The following TNKS variants were observed in gnomAD, a reference collection of about 807,000 sequenced individuals.
TNKS encodes the protein poly [ADP-ribose] polymerase tankyrase-1.
Under a neutral mutation model 135.8 loss-of-function variants are expected in TNKS, and 72 were observed. The observed-to-expected ratio is 0.53, with a 90% CI of 0.44 to 0.64. The LOEUF is 0.64. TNKS is among the 30% of genes least tolerant of loss of function. The pLI is 0.00. For synonymous variants in TNKS, 849 were observed against 649.3 expected, an observed-to-expected ratio of 1.31 and a Z score of -4.68; for missense variants, 1,769 against 1,674.0, an observed-to-expected ratio of 1.06 and a Z score of -0.99.
At chr8:9,613,826 T>G (rs1168792333) in intron 2 of TNKS, among the ~76,000 whole-genome samples, 1 of 152,222 alleles carries the variant, frequency 6.6e-6, no homozygotes, top group East Asian at 1.9e-4. Context: ...TTAGGTGACT[T>G]TGGAGAAACA....
At chr8:9,649,509 G>A (rs537858263) in intron 3 of TNKS, among the ~76,000 whole-genome samples, 7 of 152,186 alleles carry the variant, frequency 4.6e-5, no homozygotes, top group South Asian at 4.1e-4. Flanking sequence ...TGGGGGACAG[G>A]TGGTGGTTGG....
intron 5 of TNKS, among the ~76,000 whole-genome samples, chr8:9,684,065 GA>G (rs1157686936): frequency 1.3e-5 from 2 of 151,658 alleles, no homozygotes; most frequent in African/African-American, 4.8e-5. Context: ...ACCACTTTTA[GA>G]AACATAGGGA....
rs751973152 is a variant in TNKS, at chr8:9,556,046, G to C, written c.107G>C (p.Ser36Thr). Residue 36 changes from serine (S) to threonine (T), a missense_variant, in exon 1 of 27, where the codon AGC (serine) becomes ACC (threonine). Ser to Thr is a moderately conservative substitution (Grantham distance 58, BLOSUM62 1). Transcript: ENST00000310430. ...CCGCCGCCACCTCCTCCCCCACTCA[G>C]CCCTGGCCTGGCCCCGGGGACCACC... ...APPPPPPPPL[S>T]PGLAPGTTPA... 1.1e-5 allele frequency: 17 copies of C among 1,610,524 alleles called. No homozygotes were observed. Among genetic ancestry groups the C allele is most frequent in the Non-Finnish European group, 1.4e-5 (16 of 1,179,118 alleles).
chr8:9,580,485 T>C (rs1798125173), intron 2 of TNKS, 102 bp downstream of exon 2: 4 of 1,012,850 alleles, frequency 3.9e-6, no homozygotes, highest in Non-Finnish European at 5.7e-6. Context: ...GAAGGGTTTA[T>C]TGCTTCTTGT....
chr8:9,626,132 T>A (rs1469641394), intron 3 of TNKS, among the ~76,000 whole-genome samples: 1 of 152,240 alleles, frequency 6.6e-6, no homozygotes, highest in Non-Finnish European at 1.5e-5. Flanking sequence ...TAAATGTGAT[T>A]GACCCTTTCT....
At chr8:9,744,495 T>C (rs1806135341) in intron 17 of TNKS, among the ~76,000 whole-genome samples, 1 of 152,212 alleles carries the variant, frequency 6.6e-6, no homozygotes, top group South Asian at 2.1e-4. Flanking sequence ...CCCACCTTTT[T>C]AAAATTAAAA....
chr8:9,677,317 A>G (rs10101642), intron 3 of TNKS, among the ~76,000 whole-genome samples: 4,921 of 152,292 alleles, frequency 0.032, 201 homozygotes, highest in African/African-American at 0.097. Flanking sequence ...GTTTATTATC[A>G]GCTTATCCGG....
intron 1 of TNKS, among the ~76,000 whole-genome samples, chr8:9,573,651 T>C (rs982457881): frequency 1.3e-5 from 2 of 152,154 alleles, no homozygotes; most frequent in Non-Finnish European, 2.9e-5. Context: ...CTGTTGGGTG[T>C]AATGGGATCT....
chr8:9,645,491 G>A (rs1327951019), intron 3 of TNKS, among the ~76,000 whole-genome samples: 1 of 152,006 alleles, frequency 6.6e-6, no homozygotes, highest in South Asian at 2.1e-4. Context: ...AAAGAGACAC[G>A]AGCCCCATAC....
chr8:9,659,037 A>G (rs1021315510), intron 3 of TNKS, among the ~76,000 whole-genome samples: 3 of 152,260 alleles, frequency 2.0e-5, no homozygotes, highest in South Asian at 4.1e-4. Context: ...AGAACTAACT[A>G]TCATAAATAT....
At chr8:9,649,823 G>A (rs1801070516) in intron 3 of TNKS, among the ~76,000 whole-genome samples, 1 of 148,204 alleles carries the variant, frequency 6.7e-6, no homozygotes, top group Non-Finnish European at 1.5e-5. Flanking sequence ...TTATGGCTGA[G>A]TACTAGTATT....
chr8:9,637,549 GGGACA>G (rs1800558729), intron 3 of TNKS, among the ~76,000 whole-genome samples: 1 of 152,066 alleles, frequency 6.6e-6, no homozygotes, highest in South Asian at 2.1e-4. Context: ...TGCTTATGAT[GGGACA>G]TAAAAATGAC....
intron 17 of TNKS, among the ~76,000 whole-genome samples, chr8:9,746,465 G>T (rs1806241179): frequency 6.6e-6 from 1 of 152,070 alleles, no homozygotes; most frequent in Non-Finnish European, 1.5e-5. Context: ...TTATAGTCCT[G>T]CTCCTTTATA....
chr8:9,690,096 C>A (rs1005647517), intron 5 of TNKS, among the ~76,000 whole-genome samples: 1 of 152,180 alleles, frequency 6.6e-6, no homozygotes, highest in Non-Finnish European at 1.5e-5. Context: ...TTCATAAAAT[C>A]TACCAGCTAT....
chr8:9,767,714 C>A (rs1807543630), intron 25 of TNKS, among the ~76,000 whole-genome samples: 1 of 152,016 alleles, frequency 6.6e-6, no homozygotes, highest in Non-Finnish European at 1.5e-5. Flanking sequence ...AATCCCAGCA[C>A]TTTGGGAGGC....
In TNKS at chr8:9,780,642, G is replaced by C. The variant is rs191574548; in HGVS notation, c.*3906G>C. 2.0e-5 allele frequency: 3 copies of C among 152,126 alleles called. No homozygotes were observed. Among genetic ancestry groups the C allele is most frequent in the African/African-American group, 7.2e-5 (3 of 41,396 alleles). The allele number at this position is 152,126 out of a possible 1,614,324, so 9.4% of individuals were successfully genotyped here. A position where few individuals can be genotyped will look rare whatever the true frequency, so the allele number is the denominator to read the frequency against. ...TAATAAATTAAATTTTTCCCCTCTA[G>C]AAAGCCTTAACTATGGCGGAAACTT... On this transcript the variant is annotated 3_prime_UTR_variant, in exon 27 of 27. Coordinates refer to ENST00000310430, the MANE Select transcript of TNKS (RefSeq NM_003747.3).
chr8:9,569,742 A>G (rs1797688750), intron 1 of TNKS, among the ~76,000 whole-genome samples: 1 of 152,212 alleles, frequency 6.6e-6, no homozygotes, highest in Non-Finnish European at 1.5e-5. Flanking sequence ...TTACTTTTAA[A>G]AGACAATTGG....
At position 9,765,718 on chromosome 8, in the gene TNKS, G is replaced by A. The variant is rs757882929; in HGVS notation, c.3474G>A (p.Leu1158=). The part of the protein sequence containing the change: ...IRIQKVVNKK[L]RERFCHRQKE... ...TTCAAAAAGTTGTCAACAAGAAGTT[G>A]AGGGAGCGGTTCTGCCACCGACAGA... The change falls in exon 24 of 27, where the codon TTG becomes TTA. Residue 1158 remains leucine (L), a synonymous_variant. Transcript: ENST00000310430. 6.2e-7 allele frequency: 1 copy of A among 1,613,936 alleles called. No individual in the cohort carries two copies. Among genetic ancestry groups the A allele is most frequent in the Non-Finnish European group, 8.5e-7 (1 of 1,179,912 alleles).
intron 12 of TNKS, among the ~76,000 whole-genome samples, chr8:9,721,820 G>A (rs937623475): frequency 6.6e-6 from 1 of 152,018 alleles, no homozygotes; most frequent in African/African-American, 2.4e-5. Flanking sequence ...TTGGGAGGCC[G>A]AGGTGGGCGG....
Sources: gnomAD v4.1 joint callset for allele counts (sites outside exome capture counted in the v4.1 genomes callset) on GRCh38, gnomAD v4.1.1 for gene constraint, MANE v1.5 for transcripts, NCBI Gene and HGNC (gene_info 2026-07-23, HGNC 2026-07-21) for gene names.